COMMD6: variants seen among roughly 807,000 people sequenced by gnomAD.
COMMD6 encodes COMM domain-containing protein 6.
Under a neutral mutation model 13.4 loss-of-function variants are expected in COMMD6, and 11 were observed. That is an observed-to-expected ratio of 0.82 (90% CI 0.52 to 1.36). The LOEUF (loss-of-function observed/expected upper bound fraction) is 1.36. Ranked by LOEUF, COMMD6 falls within the 40% of genes most tolerant of loss-of-function variation. The pLI, the probability that COMMD6 is intolerant of heterozygous loss-of-function variation, is 0.00. For synonymous variants in COMMD6, 43 were observed against 36.5 expected (o/e 1.18, Z -0.64); for missense variants, 124 against 102.4 (o/e 1.21, Z -0.91).
At chr13:75,537,951 T>C (rs747105425), upstream of COMMD6, 24 of 742,762 alleles carry the variant, frequency 3.2e-5, no homozygotes, top group Non-Finnish European at 5.2e-5. Context: ...TGACTCATAT[T>C]TTTTCTTAAT....
At chr13:75,533,351 G>C (rs2030554286) in intron 2 of COMMD6, among the ~76,000 whole-genome samples, 1 of 152,128 alleles carries the variant, frequency 6.6e-6, no homozygotes. Flanking sequence ...TGGATCACTT[G>C]AGTGCAGGGG....
In COMMD6 at chr13:75,527,771, G is replaced by A. The variant is rs376432025; in HGVS notation, c.208-1132C>T. The A allele has an allele frequency of 1.9e-4, 271 of 1,403,968 alleles. No homozygotes were observed. The African/African-American group carries it at 2.6e-3, about 14-fold the overall frequency. The allele number at this position is 1,403,968 out of a possible 1,614,324, so 87.0% of individuals were successfully genotyped here. On this transcript the variant is annotated intron_variant, in intron 3 of 3. Coordinates refer to ENST00000682242, the MANE Select transcript of COMMD6 (RefSeq NM_203495.4). ...CCAGACACAGAAAGGCTAATACTGC[G>A]TGATCTCACTTATATGTGGAATCTA...
upstream of COMMD6, among the ~76,000 whole-genome samples, chr13:75,541,081 T>C (rs1477843811): frequency 6.6e-6 from 1 of 152,154 alleles, no homozygotes; most frequent in East Asian, 1.9e-4. Context: ...CCTGCTGAAC[T>C]TGAGTATAGG....
chr13:75,537,498 C>A (rs764209545), intron 2 of COMMD6, 166 bp downstream of exon 2: 4 of 1,556,594 alleles, frequency 2.6e-6, no homozygotes. Flanking sequence ...GCAACGGCTA[C>A]CGGCTCAGGT....
At chr13:75,548,488 T>G (rs1376349998) in intron 1 of COMMD6, among the ~76,000 whole-genome samples, 1 of 152,208 alleles carries the variant, frequency 6.6e-6, no homozygotes, top group Non-Finnish European at 1.5e-5. Flanking sequence ...AATAGTAATA[T>G]GCACTCTTCC....
chr13:75,549,389 A>C (rs2030985128), exon 1 of COMMD6: 1 of 181,172 alleles, frequency 5.5e-6, no homozygotes, highest in African/African-American at 2.3e-5. Context: ...CTGTCTCAGA[A>C]TAGGACTCCG....
intron 1 of COMMD6, among the ~76,000 whole-genome samples, chr13:75,546,242 G>GA (rs1248059122): frequency 6.6e-6 from 1 of 152,192 alleles, no homozygotes; most frequent in African/African-American, 2.4e-5. Context: ...AGCATGAACA[G>GA]AACAACAGGT....
intron 3 of COMMD6, chr13:75,527,850 G>A (rs918762018): frequency 3.3e-6 from 5 of 1,504,272 alleles, no homozygotes; most frequent in African/African-American, 1.4e-5. Context: ...CAGGAGCTGA[G>A]GCTGGGGGTC....
intron 2 of COMMD6, among the ~76,000 whole-genome samples, chr13:75,533,612 G>A (rs2030568327): frequency 6.6e-6 from 1 of 151,616 alleles, no homozygotes; most frequent in Non-Finnish European, 1.5e-5. Context: ...ATATTCTTCT[G>A]GTGGCAGCAG....
At chr13:75,542,081 G>C (rs993083400), upstream of COMMD6, among the ~76,000 whole-genome samples, 2 of 152,182 alleles carry the variant, frequency 1.3e-5, no homozygotes, top group African/African-American at 2.4e-5. Flanking sequence ...TTAATAACAA[G>C]GGTGATGCCA....
upstream of COMMD6, among the ~76,000 whole-genome samples, chr13:75,541,506 G>A (rs1013252664): frequency 2.0e-5 from 3 of 151,960 alleles, no homozygotes; most frequent in African/African-American, 7.3e-5. Context: ...GAAAGAGGAA[G>A]CTGCCCGTTC....
At position 75,537,831 on chromosome 13, in the gene COMMD6, G is replaced by T. The variant is rs1259946829; in HGVS notation, c.-26C>A. 1.3e-6 allele frequency: 2 copies of T among 1,578,234 alleles called. No individual in the cohort carries two copies. The highest frequency in any genetic ancestry group is 1.7e-6 in the Non-Finnish European group (2 of 1,160,130). ...GGGCAGCGTCTGGGACTTGCGGCCC[G>T]GACTCGAGAGAACGCCCCCAGACCA... On this transcript the variant is annotated 5_prime_UTR_variant, in exon 1 of 4. Coordinates refer to ENST00000682242, the MANE Select transcript of COMMD6 (RefSeq NM_203495.4).
At chr13:75,527,862 A>G (rs1351126129) in intron 3 of COMMD6, 2 of 1,501,516 alleles carry the variant, frequency 1.3e-6, no homozygotes, top group East Asian at 5.0e-5. Flanking sequence ...CTGGGGGTCA[A>G]TGGGGAAATG....
chr13:75,531,918 T>G (rs9543961), intron 2 of COMMD6, among the ~76,000 whole-genome samples: 15,429 of 152,254 alleles, frequency 0.1, 1,064 homozygotes, highest in Non-Finnish European at 0.15. Context: ...CCCAGCAGCT[T>G]TATTCATAAT....
Position 75,525,539 on chromosome 13 carries a change from G to C in COMMD6, c.*1050C>G, listed in dbSNP as rs562027197. 84 of 152,362 alleles carry C rather than the reference G, an allele frequency of 5.5e-4. No individual in the cohort carries two copies. Among genetic ancestry groups the C allele is most frequent in the African/African-American group, 1.8e-3 (75 of 41,580 alleles). The allele number at this position is 152,362 out of a possible 1,614,324, so 9.4% of individuals were successfully genotyped here. A position where few individuals can be genotyped will look rare whatever the true frequency, so the allele number is the denominator to read the frequency against. On this transcript the variant is annotated 3_prime_UTR_variant, in exon 4 of 4. Transcript: ENST00000682242. Reference sequence around the variant, plus strand: ...AATCATTAATGCACTGGCATCCAGAGGGTGGGTAATAGAAATGTCTGTGGG... The same window carrying C: ...AATCATTAATGCACTGGCATCCAGACGGTGGGTAATAGAAATGTCTGTGGG...
intron 1 of COMMD6, chr13:75,549,238 GA>G (rs2030977537): frequency 6.5e-6 from 1 of 154,260 alleles, no homozygotes; most frequent in African/African-American, 2.4e-5. Flanking sequence ...AATGGAATCG[GA>G]TATATAGAAA....
At chr13:75,544,901 G>C (rs1258129601) in intron 1 of COMMD6, among the ~76,000 whole-genome samples, 1 of 132,214 alleles carries the variant, frequency 7.6e-6, no homozygotes, top group Non-Finnish European at 1.6e-5. Flanking sequence ...ACTCCAGCCT[G>C]GGCGACCAAG....
intron 2 of COMMD6, among the ~76,000 whole-genome samples, chr13:75,537,152 A>G (rs1176128788): frequency 1.3e-5 from 2 of 152,232 alleles, no homozygotes; most frequent in African/African-American, 2.4e-5. Context: ...GTTATAAATT[A>G]TTTGCCTACA....
Position 75,526,654 on chromosome 13 carries a change from G to C in COMMD6, c.208-15C>G. On this transcript the variant is annotated splice_polypyrimidine_tract_variant and intron_variant, in intron 3 of 3. Transcript: ENST00000682242. ...CTGTAGAAATTCTGGAGAGAAAGGG[G>C]GAAAATAATATTAATTTTGCTTTTA... 1 of 1,572,150 alleles carries C rather than the reference G, an allele frequency of 6.4e-7. No homozygotes were observed. The highest frequency in any genetic ancestry group is 8.7e-7 in the Non-Finnish European group (1 of 1,148,178).
Sources: gnomAD v4.1 joint callset for allele counts (sites outside exome capture counted in the v4.1 genomes callset) on GRCh38, gnomAD v4.1.1 for gene constraint, MANE v1.5 for transcripts, NCBI Gene and HGNC (gene_info 2026-07-23, HGNC 2026-07-21) for gene names.